The following MYO1G variants were observed in gnomAD, a reference collection of about 807,000 sequenced individuals.
MYO1G encodes myosin IG, also known as unconventional myosin-Ig.
A neutral mutation model predicts 115.3 loss-of-function variants in MYO1G; 65 were observed. The observed-to-expected ratio is 0.56, with a 90% confidence interval of 0.46 to 0.69. The LOEUF is 0.69. Ranked by LOEUF, MYO1G falls within the 30% of genes least tolerant of loss-of-function variation. The probability of loss-of-function intolerance (pLI) is 0.00; values close to 1 mark genes in which losing one functional copy is unlikely to be tolerated. For missense variants in MYO1G, 1,204 were observed against 1,393.5 expected, an observed-to-expected ratio of 0.86 and a Z score of 2.16; for synonymous variants, 510 against 552.6, an observed-to-expected ratio of 0.92 and a Z score of 1.08.
chr7:44,970,089 A>C lies in MYO1G; in HGVS notation c.1283T>G (p.Leu428Arg). The C allele has an allele frequency of 1.2e-6, 2 of 1,614,090 alleles. No individual in the cohort carries two copies. The highest frequency in any genetic ancestry group is 1.7e-6 in the Non-Finnish European group (2 of 1,180,000). ...CTCGTACTCTTCCTGTTCCTGCTTC[A>C]GGATGAGCTGGATGAATAGCTGCTG... ...KLQQLFIQLI[L>R]KQEQEEYERE... Residue 428 changes from leucine (L) to arginine (R), a missense_variant, in exon 10 of 22, where the codon CTG becomes CGG. Transcript: ENST00000258787.
At chr7:44,977,659 T>C (rs1795082099) in intron 1 of MYO1G, among the ~76,000 whole-genome samples, 1 of 152,166 alleles carries the variant, frequency 6.6e-6, no homozygotes, top group African/African-American at 2.4e-5. Flanking sequence ...GCCTCAGACT[T>C]CTTGACCCTT....
rs1794784485 is a variant in MYO1G at position 44,963,402 on chromosome 7, G to A, written c.2746-278C>T. ...GGGCCGCCACTGCTCACCTGTGGATGCTAAGCCCTTGCATGTGCTACTGCC... is the reference window on the plus strand; with the variant it reads ...GGGCCGCCACTGCTCACCTGTGGATACTAAGCCCTTGCATGTGCTACTGCC... On this transcript the variant is annotated intron_variant, in intron 20 of 21. Transcript: ENST00000258787. The surrounding 1 kb of genome is among the most constrained non-coding windows in gnomAD (Gnocchi z 4.1). 10 of 451,304 alleles carry A rather than the reference G, an allele frequency of 2.2e-5. No individual in the cohort carries two copies. The South Asian group carries it at 4.4e-4, about 20-fold the overall frequency. The allele number at this position is 451,304 out of a possible 1,614,324, so 28.0% of individuals were successfully genotyped here. A position where few individuals can be genotyped will look rare whatever the true frequency, so the allele number is the denominator to read the frequency against.
chr7:44,976,793 T>C, intron 2 of MYO1G, 70 bp downstream of exon 2: 2 of 1,586,130 alleles, frequency 1.3e-6, no homozygotes, highest in Non-Finnish European at 1.7e-6. Flanking sequence ...CAGGAGATGC[T>C]CTAATGGCCC....
intron 5 of MYO1G, chr7:44,972,697 T>C (rs2128702495): frequency 5.7e-6 from 1 of 176,128 alleles, no homozygotes; most frequent in South Asian, 1.2e-4. Context: ...CCCAGGAAGC[T>C]CCCACCTCAG....
rs1324462939 is a variant in MYO1G at position 44,972,335 on chromosome 7, A to T, written c.619-110T>A. ...TGCGCTTCCTTCCAGTATTGAACGA[A>T]CAAACGTGGGGGAAGGTCAGACAGT... On this transcript the variant is annotated intron_variant, in intron 5 of 21. Transcript: ENST00000258787. 5.0e-6 allele frequency: 4 copies of T among 799,856 alleles called. No homozygotes were observed. The African/African-American group carries it at 5.0e-5, about 10-fold the overall frequency. 49.5% of individuals were successfully genotyped at this position (799,856 alleles called of 1,614,324 possible).
rs1055225345 is a variant in MYO1G, at chr7:44,969,590, G to A, written c.1504-107C>T. 5.4e-5 allele frequency: 85 copies of A among 1,568,240 alleles called. No individual in the cohort carries two copies. Among genetic ancestry groups the A allele is most frequent in the South Asian group, 3.1e-4 (28 of 89,888 alleles). ...GGGCAGAGAAGGTTGCCACAGTGACGACAATGGCACCAAAGCTGGGTCCCC... is the reference window on the plus strand; with the variant it reads ...GGGCAGAGAAGGTTGCCACAGTGACAACAATGGCACCAAAGCTGGGTCCCC... On this transcript the variant is annotated intron_variant, in intron 11 of 21. Transcript: ENST00000258787. This position sits in a 1 kb window ranked among gnomAD's most constrained non-coding sequence, Gnocchi z 5.0.
Position 44,963,491 on chromosome 7 carries a change from G to A in MYO1G, c.2746-367C>T. On this transcript the variant is annotated intron_variant, in intron 20 of 21. Transcript: ENST00000258787. This position sits in a 1 kb window ranked among gnomAD's most constrained non-coding sequence, Gnocchi z 4.1. ...ATTTAAACAACCACGCCGGCTTTGG[G>A]CTGTGGCATTACACAGCAAGGCACT... The A allele has an allele frequency of 3.9e-6, 1 of 259,346 alleles. No homozygotes were observed. Among genetic ancestry groups the A allele is most frequent in the Non-Finnish European group, 7.3e-6 (1 of 137,142 alleles). The allele number at this position is 259,346 out of a possible 1,614,324, so 16.1% of individuals were successfully genotyped here.
rs1372444048 is a variant in MYO1G at position 44,965,877 on chromosome 7, G to A, written c.2158-17C>T. 6.3e-7 allele frequency: 1 copy of A among 1,596,504 alleles called. No individual in the cohort carries two copies. Among genetic ancestry groups the A allele is most frequent in the Non-Finnish European group, 8.5e-7 (1 of 1,178,848 alleles). On this transcript the variant is annotated splice_polypyrimidine_tract_variant and intron_variant, in intron 16 of 21. Coordinates refer to ENST00000258787, the MANE Select transcript of MYO1G (RefSeq NM_033054.3). ...CCGCCATGCCTGGGTGGGCCAGGTG[G>A]GATGGGATACGCAGTCAAATTCAAT...
rs776426213 is a variant in MYO1G at position 44,965,850 on chromosome 7, C to A, written c.2168G>T (p.Gly723Val). The A allele has an allele frequency of 3.8e-6, 6 of 1,598,822 alleles. No individual in the cohort carries two copies. The highest frequency in any genetic ancestry group is 2.2e-5 in the East Asian group (1 of 44,870). Residue 723 changes from glycine to valine, a missense_variant, in exon 17 of 22, where the codon GGC becomes GTC. Transcript: ENST00000258787. ...IVLLLQKAWR[G>V]TLARWRCRRL... ...CCGGCAGCGCCACCTCGCCAAGGTG[C>A]CCCGCCATGCCTGGGTGGGCCAGGT...
At position 44,965,748 on chromosome 7, in the gene MYO1G, C is replaced by A; in HGVS notation, c.2270G>T (p.Arg757Leu). Reference sequence around the variant, plus strand: ...CGGCTGCCTTGCAGCCTGGAATCGCCGCTGCAGCTCAGCCAGGTGAGCCCG... The same window carrying A: ...CGGCTGCCTTGCAGCCTGGAATCGCAGCTGCAGCTCAGCCAGGTGAGCCCG... ...KVRAHLAELQ[R>L]RFQAARQPPL... Residue 757 changes from arginine (R) to leucine (L), a missense_variant, in exon 17 of 22, where the codon CGG becomes CTG. Coordinates refer to ENST00000258787, the MANE Select transcript of MYO1G (RefSeq NM_033054.3). 6.2e-7 allele frequency: 1 copy of A among 1,610,258 alleles called. No individual in the cohort carries two copies. The highest frequency in any genetic ancestry group is 8.5e-7 in the Non-Finnish European group (1 of 1,179,944).
intron 9 of MYO1G, 126 bp from the exon 10 acceptor site, chr7:44,970,280 G>A: frequency 2.6e-6 from 2 of 759,712 alleles, no homozygotes; most frequent in Non-Finnish European, 4.4e-6. Context: ...ACCCTGTGTG[G>A]CTTCCCTGTG....
At chr7:44,968,061 C>A in intron 12 of MYO1G, 103 bp from the exon 13 acceptor site, 1 of 931,602 alleles carries the variant, frequency 1.1e-6, no homozygotes. Context: ...GCCTCTGTTC[C>A]CATAGGTCAG....
At chr7:44,975,109 G>T in intron 5 of MYO1G, 65 bp downstream of exon 5, 1 of 1,533,128 alleles carries the variant, frequency 6.5e-7, no homozygotes, top group Non-Finnish European at 9.0e-7. Context: ...TCACAAGCTG[G>T]TCCAGCTTGC....
Position 44,969,768 on chromosome 7 carries a change from G to T in MYO1G, c.1440C>A (p.Asp480Glu). Residue 480 changes from aspartate to glutamate, a missense_variant, in exon 11 of 22, where the codon GAC (aspartate) becomes GAA (glutamate). By Grantham distance (45) the Asp-to-Glu change is conservative. Transcript: ENST00000258787. The surrounding 1 kb of genome is among the most constrained non-coding windows in gnomAD (Gnocchi z 5.0). ...EACSSAGTIT[D>E]RIFLQTLDMH... is the part of the protein sequence containing the mutation. ...TGTCCAGGGTCTGCAGGAAGATTCG[G>T]TCAGTGATGGTGCCAGCAGAGCTGC... 2 of 1,612,746 alleles carry T rather than the reference G, an allele frequency of 1.2e-6. No individual in the cohort carries two copies. Among genetic ancestry groups the T allele is most frequent in the Non-Finnish European group, 1.7e-6 (2 of 1,179,958 alleles).
At position 44,962,893 on chromosome 7, in the gene MYO1G, TC is replaced by T; in HGVS notation, c.2902del (p.Glu968ArgfsTer15). ...GACGCGAACCTCCAGGGTGCGGCCC[TC>T]CCTGCGGCAGGAGGAGGGGTCAGGG... Reference protein sequence around the residue: ...VGVLAAHCQGEGRTLEVRVSD... With the variant: ...VGVLAAHCQGXGRTLEVRVSD... On this transcript the variant is annotated frameshift_variant and splice_region_variant, in exon 22 of 22. Transcript: ENST00000258787. LOFTEE classifies it high-confidence loss of function. The surrounding 1 kb of genome is among the most constrained non-coding windows in gnomAD (Gnocchi z 5.3). 1 of 1,488,840 alleles carries T rather than the reference TC, an allele frequency of 6.7e-7. No homozygotes were observed. Among genetic ancestry groups the T allele is most frequent in the East Asian group, 2.7e-5 (1 of 37,362 alleles). 92.2% of individuals were successfully genotyped at this position (1,488,840 alleles called of 1,614,324 possible).
chr7:44,976,054 C>A (rs993746541), intron 3 of MYO1G, among the ~76,000 whole-genome samples: 1 of 152,192 alleles, frequency 6.6e-6, no homozygotes. Flanking sequence ...CATTGCTTGT[C>A]CCCCCTGAAT....
At position 44,962,879 on chromosome 7, in the gene MYO1G, C is replaced by T. The variant is rs1794772206; in HGVS notation, c.2917G>A (p.Glu973Lys). Residue 973 changes from glutamate (E) to lysine (K), a missense_variant, in exon 22 of 22, where the codon GAG (glutamate) becomes AAG (lysine). Coordinates refer to ENST00000258787, the MANE Select transcript of MYO1G (RefSeq NM_033054.3). The surrounding 1 kb of genome is among the most constrained non-coding windows in gnomAD (Gnocchi z 5.3). ...GGGATGCAGTCGGAGACGCGAACCT[C>T]CAGGGTGCGGCCCTCCCTGCGGCAG... ...AHCQGEGRTL[E>K]VRVSDCIPLS... 1.8e-5 allele frequency: 27 copies of T among 1,493,322 alleles called. No homozygotes were observed. The highest frequency in any genetic ancestry group is 2.7e-5 in the East Asian group (1 of 37,520). The allele number at this position is 1,493,322 out of a possible 1,614,324, so 92.5% of individuals were successfully genotyped here. A position where few individuals can be genotyped will look rare whatever the true frequency, so the allele number is the denominator to read the frequency against.
Position 44,971,769 on chromosome 7 carries a change from C to A in MYO1G, c.750G>T (p.Gln250His). 6.4e-7 allele frequency: 1 copy of A among 1,555,736 alleles called. No homozygotes were observed. Among genetic ancestry groups the A allele is most frequent in the East Asian group, 2.4e-5 (1 of 41,370 alleles). ...TVHSALDSDE[Q>H]SHQAVTEAMR... Reference sequence around the variant, plus strand: ...TGGCCTCGGTCACTGCCTGGTGGCTCTGCTCATCACTGTCCAAGGCCTAGG... The same window carrying A: ...TGGCCTCGGTCACTGCCTGGTGGCTATGCTCATCACTGTCCAAGGCCTAGG... The change falls in exon 7 of 22, where the codon CAG becomes CAT. Residue 250 changes from glutamine to histidine, a missense_variant. Gln to His is a conservative substitution (Grantham distance 24, BLOSUM62 0). Transcript: ENST00000258787.
chr7:44,977,713 T>G (rs1795083259), intron 1 of MYO1G, among the ~76,000 whole-genome samples: 1 of 152,108 alleles, frequency 6.6e-6, no homozygotes. Flanking sequence ...TGTCTGCCCT[T>G]CTCTTGACCT....
Sources: allele counts gnomAD v4.1 joint callset (sites outside exome capture counted in the v4.1 genomes callset), GRCh38; gene constraint gnomAD v4.1.1; non-coding constraint Gnocchi (gnomAD v3.1); transcripts MANE v1.5; gene names NCBI Gene and HGNC (gene_info 2026-07-23, HGNC 2026-07-21).